The following ITGA5 variants were observed in gnomAD, a reference collection of about 807,000 sequenced individuals.
ITGA5 encodes integrin alpha-5.
ITGA5 carries 55 observed loss-of-function variants against 146.3 expected under a neutral mutation model. The observed-to-expected ratio is 0.38, with a 90% CI of 0.30 to 0.47. ITGA5 has a LOEUF of 0.47. Ranked by LOEUF, ITGA5 falls within the 20% of genes least tolerant of loss-of-function variation. The pLI, the probability that ITGA5 is intolerant of heterozygous loss-of-function variation, is 0.99. For missense variants in ITGA5, 1,131 were observed against 1,329.0 expected (o/e 0.85, Z 2.32); for synonymous variants, 500 against 531.8 (o/e 0.94, Z 0.82).
In ITGA5 at chr12:54,399,699, T is replaced by C; in HGVS notation, c.2787A>G (p.Gln929=). 6.2e-7 allele frequency: 1 copy of C among 1,614,210 alleles called. No homozygotes were observed. Among genetic ancestry groups the C allele is most frequent in the Non-Finnish European group, 8.5e-7 (1 of 1,180,032 alleles). The change falls in exon 27 of 30, where the codon CAA becomes CAG. Residue 929 remains glutamine, a synonymous_variant. Transcript: ENST00000293379. The part of the protein sequence containing the change: ...LRCELGPLHQ[Q]ESQSLQLHFR... ...AATGCAACTGCAGACTTTGGCTCTC[T>C]TGTTGGTGCAGGGGCCCGAGCTCAC...
chr12:54,404,336 C>T, intron 14 of ITGA5, 90 bp from the exon 15 acceptor site: 2 of 1,568,142 alleles, frequency 1.3e-6, no homozygotes, highest in Non-Finnish European at 1.8e-6. Flanking sequence ...GAATGTGTGT[C>T]CTCTGCATTG....
chr12:54,400,619 T>C (rs1052402692), intron 25 of ITGA5: 5 of 503,314 alleles, frequency 9.9e-6, no homozygotes, highest in African/African-American at 2.0e-5. Context: ...GCCCTAGGGG[T>C]ATGCCGGGAA....
rs981301241 is a variant in ITGA5, at chr12:54,411,583, T to C, written c.349+251A>G. Reference sequence around the variant, plus strand: ...TTACGGCCCTGGCCTCCCAGAATTGTGGGTGATTCAGGGGAAATGAGAGCC... The same window carrying C: ...TTACGGCCCTGGCCTCCCAGAATTGCGGGTGATTCAGGGGAAATGAGAGCC... On this transcript the variant is annotated intron_variant, in intron 2 of 29. Transcript: ENST00000293379. Among the ~76,000 whole-genome samples the C allele has an allele frequency of 8.5e-5, 13 of 152,214 alleles. 1 individual carries two copies. The highest frequency in any genetic ancestry group is 8.5e-4 in the Admixed American group (13 of 15,274).
In ITGA5 at chr12:54,396,179, G is replaced by C; in HGVS notation, c.*114C>G. ...CAAGTATGTCTCTGGGCTGGGGAGA[G>C]GAGCTTCTCCCTGGCCGTCAGCACC... On this transcript the variant is annotated 3_prime_UTR_variant, in exon 30 of 30. Coordinates refer to ENST00000293379, the MANE Select transcript of ITGA5 (RefSeq NM_002205.5). 1.3e-6 allele frequency: 1 copy of C among 796,934 alleles called. No individual in the cohort carries two copies. The highest frequency in any genetic ancestry group is 2.1e-6 in the Non-Finnish European group (1 of 478,014). The allele number at this position is 796,934 out of a possible 1,614,324, so 49.4% of individuals were successfully genotyped here.
intron 27 of ITGA5, 100 bp downstream of exon 27, chr12:54,399,545 A>T: frequency 1.2e-6 from 1 of 838,738 alleles, no homozygotes. Context: ...GCTGGGTCCC[A>T]TTCACCAAAG....
chr12:54,398,513 G>A (rs2120464027), intron 28 of ITGA5, 84 bp downstream of exon 28: 4 of 924,902 alleles, frequency 4.3e-6, no homozygotes. Context: ...ACAATACCAA[G>A]GCCAGCCCTC....
intron 2 of ITGA5, 70 bp downstream of exon 2, chr12:54,411,764 G>A (rs1013062244): frequency 1.5e-6 from 2 of 1,356,350 alleles, no homozygotes; most frequent in Non-Finnish European, 1.9e-6. Context: ...CTCGCCCCAG[G>A]CCCCACCCAG....
chr12:54,406,715 C>G (rs1273223974), intron 9 of ITGA5, among the ~76,000 whole-genome samples: 1 of 152,206 alleles, frequency 6.6e-6, no homozygotes, highest in African/African-American at 2.4e-5. Context: ...CCACCTCATT[C>G]ATGCTCCTGC....
chr12:54,396,440 T>TACTTCTTGGAATAAGAG, intron 29 of ITGA5, 64 bp from the exon 30 acceptor site: 1 of 1,335,346 alleles, frequency 7.5e-7, no homozygotes, highest in Non-Finnish European at 1.1e-6. Flanking sequence ...CAGCTCTTAT[T>TACTTCTTGGAATAAGAG]CCAAGAAGTA....
Position 54,399,747 on chromosome 12 carries a change from C to A in ITGA5, c.2739G>T (p.Glu913Asp). The A allele has an allele frequency of 6.2e-7, 1 of 1,614,162 alleles. No homozygotes were observed. The highest frequency in any genetic ancestry group is 8.5e-7 in the Non-Finnish European group (1 of 1,179,988). Residue 913 changes from glutamate to aspartate, a missense_variant, in exon 27 of 30, where the codon GAG becomes GAT. Glu to Asp is a conservative substitution (Grantham distance 45). Transcript: ENST00000293379. ...SSGPQILKCPEAECFRLRCEL... is the reference protein window; with the variant it reads ...SSGPQILKCPDAECFRLRCEL... ...CACAGCGCAGCCTGAAACACTCAGC[C>A]TCCGGGCATTTCTAGGAAGAAAGAA...
At position 54,401,357 on chromosome 12, in the gene ITGA5, C is replaced by T. The variant is rs748928704; in HGVS notation, c.2493+16G>A. ...TTTCCCATCATTCATTCTGGCCCTG[C>T]CCCTTCCCCCCTTACCTCATAGACA... On this transcript the variant is annotated intron_variant, in intron 24 of 29. Coordinates refer to ENST00000293379, the MANE Select transcript of ITGA5 (RefSeq NM_002205.5). This position sits in a 1 kb window ranked among gnomAD's most constrained non-coding sequence, Gnocchi z 5.0. The T allele has an allele frequency of 1.3e-6, 2 of 1,557,684 alleles. No individual in the cohort carries two copies. Among genetic ancestry groups the T allele is most frequent in the Middle Eastern group, 1.7e-4 (1 of 5,830 alleles).
In ITGA5 at chr12:54,401,630, G is replaced by A. The variant is rs754445538; in HGVS notation, c.2342C>T (p.Ser781Phe). The A allele has an allele frequency of 9.9e-6, 16 of 1,614,080 alleles. No homozygotes were observed. In the African/African-American group the frequency reaches 1.9e-4, roughly 19 times the overall value. The change falls in exon 23 of 30, where the codon TCC becomes TTC. Residue 781 changes from serine to phenylalanine, a missense_variant. By Grantham distance (155) the Ser-to-Phe change is radical. Transcript: ENST00000293379. The surrounding 1 kb of genome is among the most constrained non-coding windows in gnomAD (Gnocchi z 5.0). ...NLNNSQSDVVSFRLSVEAQAQ... is the reference protein window; with the variant it reads ...NLNNSQSDVVFFRLSVEAQAQ... Reference sequence around the variant, plus strand: ...CTGAGCCTCCACGGAGAGCCGAAAGGAAACCACGTCGCTTTGCGAGTTGTT... The same window carrying A: ...CTGAGCCTCCACGGAGAGCCGAAAGAAAACCACGTCGCTTTGCGAGTTGTT...
rs1346914980 is a variant in ITGA5 at position 54,396,213 on chromosome 12, G to C, written c.*80C>G. ...CCCTGGCCGTCAGCACCTTCAAGAA[G>C]TACCCAGACCCCTCCTTTTCAGTAG... is the stretch of plus-strand genomic sequence containing the variant. On this transcript the variant is annotated 3_prime_UTR_variant, in exon 30 of 30. Coordinates refer to ENST00000293379, the MANE Select transcript of ITGA5 (RefSeq NM_002205.5). The C allele has an allele frequency of 1.7e-6, 2 of 1,179,424 alleles. No individual in the cohort carries two copies. The highest frequency in any genetic ancestry group is 2.5e-5 in the South Asian group (2 of 79,624). The allele number at this position is 1,179,424 out of a possible 1,614,324, so 73.1% of individuals were successfully genotyped here. A position where few individuals can be genotyped will look rare whatever the true frequency, so the allele number is the denominator to read the frequency against.
intron 11 of ITGA5, 80 bp from the exon 12 acceptor site, chr12:54,405,454 C>T: frequency 8.2e-7 from 1 of 1,217,462 alleles, no homozygotes; most frequent in Non-Finnish European, 1.2e-6. Flanking sequence ...AAATCCCGGA[C>T]ACTCTGAATT....
chr12:54,410,374 C>A (rs937365850), intron 2 of ITGA5, among the ~76,000 whole-genome samples: 2 of 133,240 alleles, frequency 1.5e-5, no homozygotes, highest in African/African-American at 5.8e-5. Context: ...GAGATAGGGT[C>A]TCACTCTGTT....
intron 29 of ITGA5, 143 bp from the exon 30 acceptor site, chr12:54,396,519 T>C (rs1955712981): frequency 9.0e-6 from 6 of 665,932 alleles, no homozygotes; most frequent in Non-Finnish European, 1.6e-5. Context: ...AGGCTAGGAC[T>C]ACCCCTCTAA....
Position 54,411,843 on chromosome 12 carries a change from C to A in ITGA5, c.340G>T (p.Asp114Tyr). 1 of 1,508,330 alleles carries A rather than the reference C, an allele frequency of 6.6e-7. No individual in the cohort carries two copies. Among genetic ancestry groups the A allele is most frequent in the Non-Finnish European group, 8.9e-7 (1 of 1,125,676 alleles). 93.4% of individuals were successfully genotyped at this position (1,508,330 alleles called of 1,614,324 possible). ...SPTQCTPIEFDSKGSRLLESS... is the reference protein window; with the variant it reads ...SPTQCTPIEFYSKGSRLLESS... ...AATTTCACTGGCCTACCTTTGCTGT[C>A]AAATTCAATGGGGGTGCACTGTGTG... Residue 114 changes from aspartate (D) to tyrosine (Y), a missense_variant, in exon 2 of 30, where the codon GAC becomes TAC. This residue lies in a region of ITGA5 where 175 missense variants were observed against 179.3 expected (regional missense o/e 0.98). Coordinates refer to ENST00000293379, the MANE Select transcript of ITGA5 (RefSeq NM_002205.5).
chr12:54,399,815 C>T lies in ITGA5; in HGVS notation c.2727+49G>A. 3 of 1,607,004 alleles carry T rather than the reference C, an allele frequency of 1.9e-6. No homozygotes were observed. The South Asian group carries it at 3.3e-5, about 18-fold the overall frequency. ...TGCCCTTGTGATGGCCCTGAGAACC[C>T]CAGAGTACTCAACACTTTGGTCCAC... On this transcript the variant is annotated intron_variant, in intron 26 of 29. Coordinates refer to ENST00000293379, the MANE Select transcript of ITGA5 (RefSeq NM_002205.5).
At position 54,404,891 on chromosome 12, in the gene ITGA5, A is replaced by G; in HGVS notation, c.1229T>C (p.Val410Ala). The change falls in exon 13 of 30, where the codon GTG becomes GCG. Residue 410 changes from valine (V) to alanine (A), a missense_variant. Physicochemically the swap from Val to Ala is moderately conservative, Grantham distance 64. This residue lies in a region of ITGA5 where 889 missense variants were observed against 1,021.5 expected (regional missense o/e 0.87). Transcript: ENST00000293379. ...GDLDQDGYND[V>A]AIGAPFGGET... Reference sequence around the variant, plus strand: ...CCCACCAAAGGGAGCCCCGATGGCCACATCTGGAAGACACAGAACACACAC... The same window carrying G: ...CCCACCAAAGGGAGCCCCGATGGCCGCATCTGGAAGACACAGAACACACAC... The G allele has an allele frequency of 6.4e-7, 1 of 1,571,878 alleles. No individual in the cohort carries two copies. Among genetic ancestry groups the G allele is most frequent in the Non-Finnish European group, 8.6e-7 (1 of 1,162,420 alleles).
Sources: allele counts gnomAD v4.1 joint callset (sites outside exome capture counted in the v4.1 genomes callset), GRCh38; gene constraint gnomAD v4.1.1; regional missense constraint gnomAD v4.1.1; non-coding constraint Gnocchi (gnomAD v3.1); transcripts MANE v1.5; gene names NCBI Gene and HGNC (gene_info 2026-07-23, HGNC 2026-07-21).